The following SAE1 variants were observed in gnomAD, a reference collection of about 807,000 sequenced individuals.
The protein encoded by SAE1 is SUMO1 activating enzyme subunit 1.
Under a neutral mutation model 40.6 loss-of-function variants are expected in SAE1, and 11 were observed. The ratio of observed to expected loss-of-function variants is 0.27; its 90% confidence interval spans 0.17 to 0.45. The LOEUF is 0.45. Ranked by LOEUF, SAE1 falls within the 20% of genes least tolerant of loss-of-function variation. The pLI is 1.00. For missense variants in SAE1, 373 were observed against 427.3 expected (o/e 0.87, Z 1.12); for synonymous variants, 155 against 154.3 (o/e 1.00, Z -0.03).
chr19:47,206,419 C>T (rs1378603265), intron 8 of SAE1, among the ~76,000 whole-genome samples: 7 of 152,210 alleles, frequency 4.6e-5, no homozygotes, highest in Non-Finnish European at 1.0e-4. Context: ...ACTGTCTGAG[C>T]GCCTATGGAA....
intron 5 of SAE1, among the ~76,000 whole-genome samples, chr19:47,156,943 G>C (rs2058328139): frequency 6.6e-6 from 1 of 152,176 alleles, no homozygotes; most frequent in Non-Finnish European, 1.5e-5. Flanking sequence ...ATTGAACTGA[G>C]AGGAAAGACA....
At chr19:47,157,959 T>C (rs980778710) in intron 5 of SAE1, among the ~76,000 whole-genome samples, 36 of 152,232 alleles carry the variant, frequency 2.4e-4, no homozygotes, top group Middle Eastern at 3.4e-3. Flanking sequence ...CATGCCTCCT[T>C]CCGTTTTGGC....
chr19:47,199,390 CAA>C (rs35275499), intron 7 of SAE1, among the ~76,000 whole-genome samples: 38 of 56,304 alleles, frequency 6.7e-4, no homozygotes, highest in Middle Eastern at 0.019. Flanking sequence ...GACTCCTTCT[CAA>C]AAAAAAAAAA....
chr19:47,166,240 G>A (rs897023785), intron 5 of SAE1, among the ~76,000 whole-genome samples: 15 of 152,150 alleles, frequency 9.9e-5, no homozygotes, highest in Non-Finnish European at 1.5e-5. Context: ...CACCAGTATT[G>A]TGGGACAGAG....
chr19:47,162,433 T>A (rs1221379352), intron 5 of SAE1, among the ~76,000 whole-genome samples: 3 of 152,236 alleles, frequency 2.0e-5, no homozygotes, highest in Admixed American at 2.0e-4. Flanking sequence ...AGTGGTTTTA[T>A]CAATTTATAT....
In SAE1 at chr19:47,203,707, G is replaced by A; in HGVS notation, c.915G>A (p.Val305=). Residue 305 remains valine (V), a synonymous_variant, in exon 8 of 9, where the codon GTG becomes GTA. Transcript: ENST00000270225. ...CCGAGATGGCCCCAGTGTGTGCGGTGGTTGGAGGGATTTTGGCACAGGAAA... is the reference window on the plus strand; with the variant it reads ...CCGAGATGGCCCCAGTGTGTGCGGTAGTTGGAGGGATTTTGGCACAGGAAA... ...CFSEMAPVCA[V]VGGILAQEIV... The A allele has an allele frequency of 6.2e-7, 1 of 1,614,092 alleles. No individual in the cohort carries two copies. Among genetic ancestry groups the A allele is most frequent in the Non-Finnish European group, 8.5e-7 (1 of 1,179,996 alleles).
At chr19:47,155,974 C>A (rs1180972026) in intron 5 of SAE1, among the ~76,000 whole-genome samples, 1 of 146,326 alleles carries the variant, frequency 6.8e-6, no homozygotes, top group Non-Finnish European at 1.5e-5. Context: ...CTCTTGACCT[C>A]GTGGTCCACC....
chr19:47,209,495 C>CCTG lies in SAE1; in HGVS notation c.*246_*248dup. 1 of 607,914 alleles carries CCTG rather than the reference C, an allele frequency of 1.6e-6. No individual in the cohort carries two copies. The highest frequency in any genetic ancestry group is 3.0e-5 in the Admixed American group (1 of 33,170). The allele number at this position is 607,914 out of a possible 1,614,324, so 37.7% of individuals were successfully genotyped here. A position where few individuals can be genotyped will look rare whatever the true frequency, so the allele number is the denominator to read the frequency against. ...TGTTCAGGCTGCCTGTCATCCCGGG[C>CCTG]CTGCCAGCTCCCCTGAGTGATGAGC... On this transcript the variant is annotated 3_prime_UTR_variant, in exon 9 of 9. Transcript: ENST00000270225.
chr19:47,172,908 C>T (rs192080435), intron 6 of SAE1, among the ~76,000 whole-genome samples: 2 of 152,280 alleles, frequency 1.3e-5, no homozygotes, highest in South Asian at 4.1e-4. Context: ...TTAACACCAC[C>T]AGCTACAGAG....
chr19:47,148,420 C>T (rs868372743), intron 2 of SAE1, among the ~76,000 whole-genome samples: 39 of 151,950 alleles, frequency 2.6e-4, no homozygotes, highest in African/African-American at 8.4e-4. Context: ...AGGTTATTTG[C>T]AGAGATTAAT....
chr19:47,165,321 C>T (rs1357545968), intron 5 of SAE1, among the ~76,000 whole-genome samples: 2 of 151,402 alleles, frequency 1.3e-5, no homozygotes, highest in African/African-American at 4.9e-5. Flanking sequence ...AACTCCTGAC[C>T]TCAGGTGGTC....
chr19:47,168,989 C>T (rs1051433242), intron 5 of SAE1, among the ~76,000 whole-genome samples: 2 of 152,178 alleles, frequency 1.3e-5, no homozygotes, highest in African/African-American at 4.8e-5. Flanking sequence ...AGCCATCCTT[C>T]TGCCTATTAC....
At position 47,173,309 on chromosome 19, in the gene SAE1, C is replaced by T. The variant is rs564632909; in HGVS notation, c.733+3386C>T. Among the ~76,000 whole-genome samples, 76 of 152,224 alleles carry T rather than the reference C, an allele frequency of 5.0e-4. 1 individual carries two copies. The highest frequency in any genetic ancestry group is 7.8e-4 in the Non-Finnish European group (53 of 68,010). ...ACCGCGCCCGGCCCAAAGTCTTGTTCGGAACAACCATGCACCACTGCCTGC... is the reference window on the plus strand; with the variant it reads ...ACCGCGCCCGGCCCAAAGTCTTGTTTGGAACAACCATGCACCACTGCCTGC... On this transcript the variant is annotated intron_variant, in intron 6 of 8. Transcript: ENST00000270225.
chr19:47,144,626 G>A (rs1458902289), intron 2 of SAE1, among the ~76,000 whole-genome samples: 1 of 151,856 alleles, frequency 6.6e-6, no homozygotes, highest in Non-Finnish European at 1.5e-5. Flanking sequence ...GTGAACCTGG[G>A]AGGCGGAGCT....
chr19:47,163,728 A>AAAAT lies in SAE1; in HGVS notation c.628-6074_628-6071dup, dbSNP rs996069051. Among the ~76,000 whole-genome samples the AAAAT allele has an allele frequency of 5.3e-5, 8 of 152,242 alleles. No homozygotes were observed. The East Asian group carries it at 1.2e-3, about 22-fold the overall frequency. The stretch of plus-strand genomic sequence containing the variant: ...GGCGACAGAGCAAGACTCTATCTCA[A>AAAAT]AAATAAATAAATAAATAAAGTATAT... On this transcript the variant is annotated intron_variant, in intron 5 of 8. Coordinates refer to ENST00000270225, the MANE Select transcript of SAE1 (RefSeq NM_005500.3).
At chr19:47,147,926 T>A (rs908805820) in intron 2 of SAE1, among the ~76,000 whole-genome samples, 3 of 151,662 alleles carry the variant, frequency 2.0e-5, no homozygotes, top group Non-Finnish European at 4.4e-5. Context: ...GCCTGGCTAA[T>A]TTTTTTGTAT....
At chr19:47,174,206 T>C (rs1272565758) in intron 6 of SAE1, among the ~76,000 whole-genome samples, 2 of 152,114 alleles carry the variant, frequency 1.3e-5, no homozygotes, top group Non-Finnish European at 2.9e-5. Flanking sequence ...GCATTAATTA[T>C]CTGTCTTTTT....
chr19:47,190,987 T>G (rs1268147732), intron 6 of SAE1, among the ~76,000 whole-genome samples: 1 of 152,230 alleles, frequency 6.6e-6, no homozygotes, highest in Non-Finnish European at 1.5e-5. Flanking sequence ...CTGTTTCTTT[T>G]GGATTCCATT....
rs369125953 is a variant in SAE1, at chr19:47,151,138, GT to G, written c.384+775del. Among the ~76,000 whole-genome samples, 949 of 144,456 alleles carry G rather than the reference GT, an allele frequency of 6.6e-3. 10 individuals carry two copies. Among genetic ancestry groups the G allele is most frequent in the African/African-American group, 0.021 (834 of 39,764 alleles). 94.8% of individuals were successfully genotyped at this position (144,456 alleles called of 152,430 possible). A position where few individuals can be genotyped will look rare whatever the true frequency, so the allele number is the denominator to read the frequency against. On this transcript the variant is annotated intron_variant, in intron 3 of 8. Transcript: ENST00000270225. ...GAGAGGTTAGAATTTGGGTTGGGTA[GT>G]TTTTTTTTTTTGCACCTTTTTTTAT... is the stretch of plus-strand genomic sequence containing the variant.
Sources: gnomAD v4.1 joint callset for allele counts (sites outside exome capture counted in the v4.1 genomes callset) on GRCh38, gnomAD v4.1.1 for gene constraint, MANE v1.5 for transcripts, NCBI Gene and HGNC (gene_info 2026-07-23, HGNC 2026-07-21) for gene names.